MMP26: variants seen among roughly 807,000 people sequenced by gnomAD.
The protein encoded by MMP26 is matrix metalloproteinase-26.
Under a neutral mutation model 31.0 loss-of-function variants are expected in MMP26, and 33 were observed. That is an observed-to-expected ratio of 1.06 (90% CI 0.81 to 1.42). The LOEUF (loss-of-function observed/expected upper bound fraction) is 1.42, where lower values mean the gene tolerates loss of function less well. Ranked by LOEUF, MMP26 falls within the 40% of genes most tolerant of loss-of-function variation. The pLI is 0.00. For synonymous variants in MMP26, 122 were observed against 114.9 expected (o/e 1.06, Z -0.40); for missense variants, 347 against 316.1 (o/e 1.10, Z -0.74).
chr11:4,874,375 T>C (rs1012487436), intron 2 of MMP26, among the ~76,000 whole-genome samples: 2 of 152,086 alleles, frequency 1.3e-5, no homozygotes, highest in Admixed American at 1.3e-4. Context: ...CTCTCTGTCT[T>C]TTGTGTGTAG....
intron 2 of MMP26, among the ~76,000 whole-genome samples, chr11:4,854,413 G>T (rs894068927): frequency 2.0e-5 from 3 of 152,178 alleles, no homozygotes; most frequent in Admixed American, 1.3e-4. Context: ...ACAGGACATT[G>T]TATCCCACGC....
chr11:4,858,515 G>A (rs1850091579), intron 2 of MMP26, among the ~76,000 whole-genome samples: 1 of 152,068 alleles, frequency 6.6e-6, no homozygotes, highest in South Asian at 2.1e-4. Flanking sequence ...CAACTTACAA[G>A]GGATGTGAAG....
chr11:4,819,224 C>T (rs961768587), intron 2 of MMP26, among the ~76,000 whole-genome samples: 11 of 152,236 alleles, frequency 7.2e-5, no homozygotes, highest in East Asian at 1.9e-4. Flanking sequence ...AGACATGGAA[C>T]CTAAACACCA....
intron 2 of MMP26, among the ~76,000 whole-genome samples, chr11:4,778,047 C>A (rs749830456): frequency 1.3e-5 from 2 of 151,996 alleles, no homozygotes; most frequent in Non-Finnish European, 2.9e-5. Flanking sequence ...CCACAGAAAT[C>A]GTGTATAGCC....
chr11:4,860,217 G>C, intron 2 of MMP26: 1 of 471,130 alleles, frequency 2.1e-6, no homozygotes, highest in Non-Finnish European at 4.4e-6. Flanking sequence ...TGGACACTAG[G>C]ACTCCTGATT....
Position 4,933,943 on chromosome 11 carries a change from T to C in MMP26, c.-144-54125T>C, listed in dbSNP as rs557632277. On this transcript the variant is annotated intron_variant, in intron 2 of 7. Coordinates refer to ENST00000380390, the MANE Select transcript of MMP26 (RefSeq NM_021801.5). Reference sequence around the variant, plus strand: ...GCTGCATAGTATTCCATGGTGTATATGTGCCACATTTTCTTAATCCAGTCT... The same window carrying C: ...GCTGCATAGTATTCCATGGTGTATACGTGCCACATTTTCTTAATCCAGTCT... 3.0e-3 allele frequency among the ~76,000 whole-genome samples: 440 copies of C among 147,798 alleles called. 1 individual carries two copies. Among genetic ancestry groups the C allele is most frequent in the African/African-American group, 8.2e-3 (328 of 40,046 alleles).
chr11:4,858,767 T>C (rs1407704380), intron 2 of MMP26, among the ~76,000 whole-genome samples: 2 of 152,068 alleles, frequency 1.3e-5, no homozygotes, highest in African/African-American at 4.8e-5. Flanking sequence ...ATTGCCAAGA[T>C]AATCCTAAGC....
chr11:4,891,690 C>A (rs1290834495), intron 2 of MMP26, among the ~76,000 whole-genome samples: 1 of 152,144 alleles, frequency 6.6e-6, no homozygotes, highest in Non-Finnish European at 1.5e-5. Flanking sequence ...ATAATGATTA[C>A]AATGTCCTTA....
chr11:4,936,170 AC>A (rs1343976224), intron 2 of MMP26, among the ~76,000 whole-genome samples: 1 of 147,816 alleles, frequency 6.8e-6, no homozygotes, highest in Non-Finnish European at 1.5e-5. Flanking sequence ...TCCTCCTTGT[AC>A]CTCTGGTAGA....
chr11:4,733,822 A>G (rs1343003647), intron 1 of MMP26, among the ~76,000 whole-genome samples: 1 of 152,168 alleles, frequency 6.6e-6, no homozygotes, highest in Non-Finnish European at 1.5e-5. Flanking sequence ...TTTTTCATAA[A>G]TGTCTATTAT....
intron 2 of MMP26, among the ~76,000 whole-genome samples, chr11:4,982,173 T>C (rs937269536): frequency 1.3e-5 from 2 of 152,030 alleles, no homozygotes; most frequent in African/African-American, 4.8e-5. Context: ...AAAATTTTAG[T>C]GTAGTAAATA....
chr11:4,987,483 A>G (rs890200533), intron 2 of MMP26, among the ~76,000 whole-genome samples: 3 of 151,120 alleles, frequency 2.0e-5, no homozygotes, highest in Non-Finnish European at 2.9e-5. Context: ...CAGTGGCGCG[A>G]TCTCGGCTCA....
At chr11:4,778,841 C>T (rs138167701) in intron 2 of MMP26, among the ~76,000 whole-genome samples, 198 of 152,034 alleles carry the variant, frequency 1.3e-3, no homozygotes, top group African/African-American at 4.7e-3. Context: ...ATTTCTGATG[C>T]TATTTTAAAT....
At chr11:4,732,319 T>C (rs1726973104) in intron 1 of MMP26, among the ~76,000 whole-genome samples, 1 of 152,180 alleles carries the variant, frequency 6.6e-6, no homozygotes. Flanking sequence ...GTGAATGTAA[T>C]CTTTTTCTTC....
At chr11:4,872,253 A>G (rs572522010) in intron 2 of MMP26, among the ~76,000 whole-genome samples, 13 of 152,196 alleles carry the variant, frequency 8.5e-5, no homozygotes, top group East Asian at 3.9e-4. Flanking sequence ...TTTATTGTCT[A>G]TCTAAGATAA....
intron 2 of MMP26, among the ~76,000 whole-genome samples, chr11:4,864,746 T>C (rs926032348): frequency 6.6e-6 from 1 of 152,098 alleles, no homozygotes; most frequent in Non-Finnish European, 1.5e-5. Context: ...ACTGGTGACT[T>C]GAACTCCCCT....
At chr11:4,760,822 T>C (rs140174315) in intron 1 of MMP26, among the ~76,000 whole-genome samples, 147 of 152,252 alleles carry the variant, frequency 9.7e-4, no homozygotes, top group Non-Finnish European at 1.7e-3. Context: ...ATAGAATAAA[T>C]GGGCTGGCAT....
chr11:4,856,408 CAGGG>C (rs1850054261), intron 2 of MMP26, among the ~76,000 whole-genome samples: 1 of 152,126 alleles, frequency 6.6e-6, no homozygotes, highest in Non-Finnish European at 1.5e-5. Context: ...CCAAAAAAAG[CAGGG>C]ATTGCAATCC....
chr11:4,762,724 G>C (rs1391153986), intron 1 of MMP26, among the ~76,000 whole-genome samples: 1 of 152,052 alleles, frequency 6.6e-6, no homozygotes, highest in Non-Finnish European at 1.5e-5. Context: ...TACACTTTTA[G>C]AAAAGTGGAA....
Sources: gnomAD v4.1 joint callset for allele counts (sites outside exome capture counted in the v4.1 genomes callset) on GRCh38, gnomAD v4.1.1 for gene constraint, MANE v1.5 for transcripts, NCBI Gene and HGNC (gene_info 2026-07-23, HGNC 2026-07-21) for gene names.